The following DUS3L variants were observed in gnomAD, a reference collection of about 807,000 sequenced individuals.
DUS3L encodes the protein tRNA-dihydrouridine(47) synthase [NAD(P)(+)]-like.
In DUS3L, 62 loss-of-function variants were observed where a neutral mutation model predicts 74.6. The observed-to-expected ratio is 0.83, with a 90% CI of 0.68 to 1.03. The LOEUF (loss-of-function observed/expected upper bound fraction) is 1.03. Among genes scored for constraint, DUS3L ranks in the 50% least tolerant of loss-of-function variants. The pLI is 0.00. For synonymous variants in DUS3L, 433 were observed against 395.7 expected, an observed-to-expected ratio of 1.09 and a Z score of -1.12; for missense variants, 884 against 924.4, an observed-to-expected ratio of 0.96 and a Z score of 0.57.
chr19:5,789,803 C>G (rs1238798797), intron 2 of DUS3L, 84 bp from the exon 3 acceptor site: 2 of 1,508,230 alleles, frequency 1.3e-6, no homozygotes, highest in African/African-American at 2.8e-5. Flanking sequence ...CTAGATCACC[C>G]CTCCTGGCTC....
chr19:5,788,419 AC>A, intron 3 of DUS3L, 21 bp from the exon 4 acceptor site: 1 of 1,609,424 alleles, frequency 6.2e-7, no homozygotes, highest in Non-Finnish European at 8.5e-7. Context: ...AAAAATACAC[AC>A]AAGTGGAGCT....
chr19:5,790,214 G>T lies in DUS3L; in HGVS notation c.220C>A (p.Arg74=), dbSNP rs140036183. The part of the protein sequence containing the change: ...GNELAEPEAK[R]IRLEDGQTAD... ...GTCTGTCCATCCTCCAGTCGGATCC[G>T]CTTAGCCTCAGGCTCAGCCAGCTCA... The change falls in exon 2 of 13, where the codon CGG becomes AGG. Residue 74 remains arginine, a synonymous_variant. Coordinates refer to ENST00000309061, the MANE Select transcript of DUS3L (RefSeq NM_020175.3). 2 of 1,614,018 alleles carry T rather than the reference G, an allele frequency of 1.2e-6. No individual in the cohort carries two copies. Among genetic ancestry groups the T allele is most frequent in the Non-Finnish European group, 1.7e-6 (2 of 1,180,038 alleles).
intron 10 of DUS3L, 157 bp from the exon 11 acceptor site, chr19:5,785,948 G>A: frequency 2.5e-6 from 2 of 786,254 alleles, no homozygotes; most frequent in Non-Finnish European, 3.8e-6. Flanking sequence ...CAAAGCACAG[G>A]ACTTTCTTTT....
chr19:5,791,053 A>G lies in DUS3L; in HGVS notation c.89T>C (p.Ile30Thr). Reference protein sequence around the residue: ...AGALERGVAPIKRQYLTTKEQ... With the variant: ...AGALERGVAPTKRQYLTTKEQ... ...TGCCCCGGCGACTCACTGACGCTTA[A>G]TGGGCGCCACTCCTCGTTCCAAAGC... Residue 30 changes from isoleucine to threonine, a missense_variant, in exon 1 of 13, where the codon ATT becomes ACT. By Grantham distance (89) the Ile-to-Thr change is moderately conservative. Coordinates refer to ENST00000309061, the MANE Select transcript of DUS3L (RefSeq NM_020175.3). 6.2e-7 allele frequency: 1 copy of G among 1,603,542 alleles called. No homozygotes were observed. The highest frequency in any genetic ancestry group is 8.5e-7 in the Non-Finnish European group (1 of 1,175,528).
chr19:5,789,950 G>T, intron 2 of DUS3L, 97 bp downstream of exon 2: 1 of 1,513,276 alleles, frequency 6.6e-7, no homozygotes, highest in Non-Finnish European at 9.0e-7. Flanking sequence ...ACTGCTCGTT[G>T]CTGAAGGCCC....
intron 1 of DUS3L, chr19:5,790,767 T>G: frequency 1.7e-6 from 1 of 578,218 alleles, no homozygotes. Flanking sequence ...TACGTCCATA[T>G]GCAGGGACTA....
At chr19:5,785,297 G>C in intron 12 of DUS3L, 22 bp from the exon 13 acceptor site, 1 of 1,610,174 alleles carries the variant, frequency 6.2e-7, no homozygotes, top group Non-Finnish European at 8.5e-7. Flanking sequence ...CAGGTGGAAA[G>C]CGAGGTCAGG....
At chr19:5,790,491 C>G (rs936788903) in intron 1 of DUS3L, among the ~76,000 whole-genome samples, 156 bp from the exon 2 acceptor site, 3 of 152,090 alleles carry the variant, frequency 2.0e-5, no homozygotes, top group African/African-American at 7.2e-5. Context: ...CCCCTCACGG[C>G]CTCAAAAAAG....
At chr19:5,786,094 G>C in intron 10 of DUS3L, 2 of 485,010 alleles carry the variant, frequency 4.1e-6, no homozygotes, top group Non-Finnish European at 7.3e-6. Flanking sequence ...TGGGATTACA[G>C]GCGTGTACCA....
Position 5,787,876 on chromosome 19 carries a change from A to G in DUS3L, c.1095+148T>C, listed in dbSNP as rs2056869760. The G allele has an allele frequency of 1.7e-5, 24 of 1,439,768 alleles. No individual in the cohort carries two copies. The South Asian group carries it at 2.9e-4, about 18-fold the overall frequency. The allele number at this position is 1,439,768 out of a possible 1,614,324, so 89.2% of individuals were successfully genotyped here. A position where few individuals can be genotyped will look rare whatever the true frequency, so the allele number is the denominator to read the frequency against. ...GCACCGGTCCCCGGCCACGGCCATCAGCCCCCAGAGGTGGATCAGGGCATC... is the reference window on the plus strand; with the variant it reads ...GCACCGGTCCCCGGCCACGGCCATCGGCCCCCAGAGGTGGATCAGGGCATC... On this transcript the variant is annotated intron_variant, in intron 5 of 12. Transcript: ENST00000309061.
intron 2 of DUS3L, 134 bp from the exon 3 acceptor site, chr19:5,789,853 G>T: frequency 7.6e-7 from 1 of 1,316,686 alleles, no homozygotes; most frequent in Non-Finnish European, 1.0e-6. Flanking sequence ...CCGTGCCTCT[G>T]CATCTCCATT....
Position 5,789,268 on chromosome 19 carries a change from C to T in DUS3L, c.839G>A (p.Arg280Gln), listed in dbSNP as rs1163196249. ...CTCATCCGTCAGGGGCCCGCAGGTCCGCACGGGGCTGCTGGGAGGGGTGCT... is the reference window on the plus strand; with the variant it reads ...CTCATCCGTCAGGGGCCCGCAGGTCTGCACGGGGCTGCTGGGAGGGGTGCT... ...GTSTPPSSPV[R>Q]TCGPLTDEDV... Residue 280 changes from arginine to glutamine, a missense_variant, in exon 3 of 13, where the codon CGG becomes CAG. Physicochemically the swap from Arg to Gln is conservative, Grantham distance 43 (BLOSUM62 1). Coordinates refer to ENST00000309061, the MANE Select transcript of DUS3L (RefSeq NM_020175.3). The T allele has an allele frequency of 1.0e-5, 16 of 1,579,468 alleles. No homozygotes were observed. The East Asian group carries it at 2.0e-4, about 20-fold the overall frequency.
At position 5,787,648 on chromosome 19, in the gene DUS3L, C is replaced by T. The variant is rs373231566; in HGVS notation, c.1153G>A (p.Val385Met). ...TKCAELLSRTVEVDFVDINVG... is the reference protein window; with the variant it reads ...TKCAELLSRTMEVDFVDINVG... ...TTGATGTCCACAAAGTCCACCTCCACGGTGCGGCTCAGCAGCTCGGCACAC... is the reference window on the plus strand; with the variant it reads ...TTGATGTCCACAAAGTCCACCTCCATGGTGCGGCTCAGCAGCTCGGCACAC... The change falls in exon 6 of 13, where the codon GTG becomes ATG. Residue 385 changes from valine (V) to methionine (M), a missense_variant. Physicochemically the swap from Val to Met is conservative, Grantham distance 21. Transcript: ENST00000309061. 4.1e-5 allele frequency: 66 copies of T among 1,613,860 alleles called. No homozygotes were observed. Among genetic ancestry groups the T allele is most frequent in the Non-Finnish European group, 5.1e-5 (60 of 1,179,984 alleles).
At chr19:5,787,935 G>C (rs2056870199) in intron 5 of DUS3L, 89 bp downstream of exon 5, 1 of 1,559,396 alleles carries the variant, frequency 6.4e-7, no homozygotes, top group Non-Finnish European at 8.6e-7. Flanking sequence ...AGGGGGTCAG[G>C]GAGGCAACCA....
At position 5,785,492 on chromosome 19, in the gene DUS3L, G is replaced by A; in HGVS notation, c.1771C>T (p.Leu591=). The A allele has an allele frequency of 1.3e-6, 2 of 1,570,366 alleles. No homozygotes were observed. The highest frequency in any genetic ancestry group is 1.7e-6 in the Non-Finnish European group (2 of 1,157,978). The part of the protein sequence containing the change: ...FLCRYVPVGL[L]ERLPQRINER... ...TTGATCCTCTGTGGGAGCCGCTCCA[G>A]CAGCCCCACGGGCACGTACCTGCGG... Residue 591 remains leucine, a synonymous_variant, in exon 12 of 13, where the codon CTG becomes TTG. Coordinates refer to ENST00000309061, the MANE Select transcript of DUS3L (RefSeq NM_020175.3).
intron 6 of DUS3L, 93 bp from the exon 7 acceptor site, chr19:5,787,454 C>T (rs902949959): frequency 5.9e-6 from 9 of 1,523,524 alleles, no homozygotes; most frequent in Middle Eastern, 1.7e-4. Context: ...CAGGAGACGC[C>T]GACCTGCAGG....
chr19:5,787,719 G>A lies in DUS3L; in HGVS notation c.1096-14C>T. ...GGCGCCCTCCAGCTGTAGGTGGGTA[G>A]TGGCAGAACAGGAGGGTGAGGGGAG... is the stretch of plus-strand genomic sequence containing the variant. On this transcript the variant is annotated splice_polypyrimidine_tract_variant and intron_variant, in intron 5 of 12. Coordinates refer to ENST00000309061, the MANE Select transcript of DUS3L (RefSeq NM_020175.3). 6.2e-7 allele frequency: 1 copy of A among 1,611,604 alleles called. No individual in the cohort carries two copies.
In DUS3L at chr19:5,789,432, G is replaced by A. The variant is rs748379146; in HGVS notation, c.675C>T (p.Phe225=). 1.1e-5 allele frequency: 18 copies of A among 1,598,784 alleles called. 1 individual carries two copies. Among genetic ancestry groups the A allele is most frequent in the Admixed American group, 1.7e-5 (1 of 58,932 alleles). The part of the protein sequence containing the change: ...QQQLRKREVR[F]ERAEQALRRF... ...GGCGCAGGGCCTGCTCAGCTCGCTCGAAGCGGACCTCGCGCTTCCGCAGCT... is the reference window on the plus strand; with the variant it reads ...GGCGCAGGGCCTGCTCAGCTCGCTCAAAGCGGACCTCGCGCTTCCGCAGCT... Residue 225 remains phenylalanine (F), a synonymous_variant, in exon 3 of 13, where the codon TTC becomes TTT. Transcript: ENST00000309061.
rs748672001 is a variant in DUS3L, at chr19:5,786,899, G to T, written c.1390-54C>A. 8 of 1,549,192 alleles carry T rather than the reference G, an allele frequency of 5.2e-6. No individual in the cohort carries two copies. The Admixed American group carries it at 7.9e-5, about 15-fold the overall frequency. On this transcript the variant is annotated intron_variant, in intron 8 of 12. Coordinates refer to ENST00000309061, the MANE Select transcript of DUS3L (RefSeq NM_020175.3). ...GAGGCAGAGAGTGAGACGCAGAGAG[G>T]AAGAGACCAAGAGAGCCAGGCTGAG...
Sources: allele counts gnomAD v4.1 joint callset (sites outside exome capture counted in the v4.1 genomes callset), GRCh38; gene constraint gnomAD v4.1.1; transcripts MANE v1.5; gene names NCBI Gene and HGNC (gene_info 2026-07-23, HGNC 2026-07-21).